The following CRYBG1 variants were observed in gnomAD, a reference collection of about 807,000 sequenced individuals.
CRYBG1 encodes beta/gamma crystallin domain-containing protein 1.
Under a neutral mutation model 189.2 loss-of-function variants are expected in CRYBG1, and 139 were observed. The ratio of observed to expected loss-of-function variants is 0.73; its 90% CI spans 0.64 to 0.85. CRYBG1 has a LOEUF of 0.85. Among genes scored for constraint, CRYBG1 ranks in the 40% least tolerant of loss-of-function variants. CRYBG1 has a pLI of 0.00. For missense variants in CRYBG1, 2,611 were observed against 2,675.8 expected (o/e 0.98, Z 0.53); for synonymous variants, 1,023 against 1,017.1 (o/e 1.01, Z -0.11).
intron 2 of CRYBG1, among the ~76,000 whole-genome samples, chr6:106,491,544 G>A (rs1267636827): frequency 1.3e-5 from 2 of 151,980 alleles, no homozygotes; most frequent in South Asian, 2.1e-4. Context: ...ACCCTCCGAC[G>A]GAGCTCTCCA....
chr6:106,483,962 A>G (rs1163644889), intron 2 of CRYBG1, among the ~76,000 whole-genome samples: 1 of 152,142 alleles, frequency 6.6e-6, no homozygotes, highest in Admixed American at 6.5e-5. Flanking sequence ...ATTTTCTTCT[A>G]GTAGGTTCAT....
Position 106,406,222 on chromosome 6 carries a change from G to A in CRYBG1, c.173+45141G>A, listed in dbSNP as rs146897048. Among the ~76,000 whole-genome samples the A allele has an allele frequency of 7.7e-3, 1,166 of 152,160 alleles. 11 individuals are homozygous for A. The highest frequency in any genetic ancestry group is 0.012 in the Non-Finnish European group (836 of 68,024). On this transcript the variant is annotated intron_variant, in intron 1 of 21. Coordinates refer to ENST00000633556, the MANE Select transcript of CRYBG1 (RefSeq NM_001371242.2). ...GCTGAAAAACACACGCGAGAACTTC[G>A]TGAAGCATACACAAGTATAAATAGC...
intron 1 of CRYBG1, among the ~76,000 whole-genome samples, chr6:106,434,654 T>G (rs1217576360): frequency 2.0e-5 from 3 of 152,218 alleles, no homozygotes; most frequent in Non-Finnish European, 4.4e-5. Flanking sequence ...CAGTCTCTAT[T>G]GCAACTGCTC....
intron 1 of CRYBG1, among the ~76,000 whole-genome samples, chr6:106,439,019 G>C (rs1381051073): frequency 2.1e-5 from 3 of 144,916 alleles, no homozygotes; most frequent in Non-Finnish European, 4.5e-5. Flanking sequence ...GGGAAACATA[G>C]TGAGACCTGG....
chr6:106,441,581 A>T (rs914912309), intron 1 of CRYBG1, among the ~76,000 whole-genome samples: 18 of 152,230 alleles, frequency 1.2e-4, no homozygotes, highest in African/African-American at 4.3e-4. Flanking sequence ...ACACCAGTTA[A>T]TTGAACTAAT....
chr6:106,548,735 T>C (rs540017648), intron 13 of CRYBG1, among the ~76,000 whole-genome samples: 1 of 152,020 alleles, frequency 6.6e-6, no homozygotes, highest in African/African-American at 2.4e-5. Flanking sequence ...TAGATTTTCT[T>C]TTTTTTTAAA....
rs202132023 is a variant in CRYBG1 at position 106,482,698 on chromosome 6, C to T, written c.313-28732C>T. Among the ~76,000 whole-genome samples, 35 of 152,140 alleles carry T rather than the reference C, an allele frequency of 2.3e-4. No homozygotes were observed. The East Asian group carries it at 3.9e-3, about 17-fold the overall frequency. ...GCTGAGGCAGTAGAATGGCATGAACCGGGGAGACAGAGGTTGCAGTGAGCT... is the reference window on the plus strand; with the variant it reads ...GCTGAGGCAGTAGAATGGCATGAACTGGGGAGACAGAGGTTGCAGTGAGCT... On this transcript the variant is annotated intron_variant, in intron 2 of 21. Coordinates refer to ENST00000633556, the MANE Select transcript of CRYBG1 (RefSeq NM_001371242.2).
chr6:106,401,150 A>G (rs1001084900), intron 1 of CRYBG1, among the ~76,000 whole-genome samples: 4 of 152,206 alleles, frequency 2.6e-5, no homozygotes, highest in Non-Finnish European at 2.9e-5. Context: ...TCTTGATACT[A>G]AATCTAAAAT....
intron 1 of CRYBG1, among the ~76,000 whole-genome samples, chr6:106,397,777 G>C (rs1423756999): frequency 6.6e-6 from 1 of 152,174 alleles, no homozygotes; most frequent in East Asian, 1.9e-4. Flanking sequence ...TTAACATAGA[G>C]ATATGTTAGT....
chr6:106,379,570 T>G (rs1770247613), intron 1 of CRYBG1, among the ~76,000 whole-genome samples: 1 of 152,024 alleles, frequency 6.6e-6, no homozygotes, highest in Non-Finnish European at 1.5e-5. Flanking sequence ...CTCTTTTCTT[T>G]TCTTTAAGAG....
At chr6:106,535,078 T>C (rs1350957408) in intron 8 of CRYBG1, among the ~76,000 whole-genome samples, 1 of 152,184 alleles carries the variant, frequency 6.6e-6, no homozygotes, top group Non-Finnish European at 1.5e-5. Context: ...ATTTGACATA[T>C]ACAGAATAAT....
intron 2 of CRYBG1, among the ~76,000 whole-genome samples, chr6:106,480,362 T>C (rs1772421012): frequency 1.3e-5 from 2 of 151,984 alleles, no homozygotes; most frequent in African/African-American, 2.4e-5. Context: ...TTAGAGGATT[T>C]GGATATTAAA....
chr6:106,524,668 GTAGATTTA>G (rs1379851406), intron 4 of CRYBG1, among the ~76,000 whole-genome samples: 1 of 152,178 alleles, frequency 6.6e-6, no homozygotes, highest in African/African-American at 2.4e-5. Context: ...TTATATGATT[GTAGATTTA>G]CTATGAGAAA....
chr6:106,401,268 A>T (rs1770713981), intron 1 of CRYBG1, among the ~76,000 whole-genome samples: 1 of 152,012 alleles, frequency 6.6e-6, no homozygotes. Flanking sequence ...TTTGGACTTT[A>T]CTTATATTTT....
At chr6:106,494,142 A>G (rs939017216) in intron 2 of CRYBG1, among the ~76,000 whole-genome samples, 2 of 151,970 alleles carry the variant, frequency 1.3e-5, no homozygotes, top group Non-Finnish European at 2.9e-5. Context: ...AAACAAATGT[A>G]TGATTCCATT....
At chr6:106,365,049 T>C (rs949739742) in intron 1 of CRYBG1, among the ~76,000 whole-genome samples, 10 of 152,242 alleles carry the variant, frequency 6.6e-5, no homozygotes, top group Non-Finnish European at 1.3e-4. Context: ...TTCTGCTATA[T>C]AATGAAAGTG....
At position 106,442,855 on chromosome 6, in the gene CRYBG1, G is replaced by A. The variant is rs559673739; in HGVS notation, c.174-8839G>A. Among the ~76,000 whole-genome samples the A allele has an allele frequency of 9.2e-5, 14 of 152,358 alleles. No homozygotes were observed. In the East Asian group the frequency reaches 2.5e-3, roughly 27 times the overall value. The stretch of plus-strand genomic sequence containing the variant: ...AACAAAATTGCCTGGAATATAGGGT[G>A]TGTAGGGGAGCTACATTTGAAAAGT... On this transcript the variant is annotated intron_variant, in intron 1 of 21. Transcript: ENST00000633556.
At chr6:106,528,693 A>T (rs1773809256) in intron 7 of CRYBG1, among the ~76,000 whole-genome samples, 1 of 152,168 alleles carries the variant, frequency 6.6e-6, no homozygotes, top group African/African-American at 2.4e-5. Context: ...TGGGGAAGGG[A>T]AACGAGATCT....
At chr6:106,470,261 G>T (rs919891828) in intron 2 of CRYBG1, among the ~76,000 whole-genome samples, 5 of 151,982 alleles carry the variant, frequency 3.3e-5, no homozygotes, top group African/African-American at 1.2e-4. Flanking sequence ...GGAGGTCAAG[G>T]GTGCAATGAG....
Sources: gnomAD v4.1 joint callset for allele counts (sites outside exome capture counted in the v4.1 genomes callset) on GRCh38, gnomAD v4.1.1 for gene constraint, MANE v1.5 for transcripts, NCBI Gene and HGNC (gene_info 2026-07-23, HGNC 2026-07-21) for gene names.